THOC2: variants seen among roughly 807,000 people sequenced by gnomAD.
THOC2 encodes the protein THO complex 2.
A neutral mutation model predicts 128.4 loss-of-function variants in THOC2; 10 were observed. That is an observed-to-expected ratio of 0.08 (90% CI 0.05 to 0.13). THOC2 has a LOEUF of 0.13. Ranked by LOEUF, THOC2 falls within the 10% of genes least tolerant of loss-of-function variation. The pLI is 1.00. For missense variants in THOC2, 535 were observed against 1,155.7 expected (o/e 0.46, Z 7.79); for synonymous variants, 393 against 396.9 (o/e 0.99, Z 0.12).
intron 12 of THOC2, among the ~76,000 whole-genome samples, chrX:123,651,392 T>C (rs772205474): frequency 1.8e-5 from 2 of 111,073 alleles, no homozygotes; most frequent in Non-Finnish European, 3.8e-5. Context: ...TTAAAAGAAG[T>C]AGAGAAGCAA....
At chrX:123,636,608 C>T (rs1160398781) in intron 18 of THOC2, among the ~76,000 whole-genome samples, 2 of 108,149 alleles carry the variant, frequency 1.8e-5, no homozygotes, top group Non-Finnish European at 3.8e-5. Context: ...GAATGTGAGT[C>T]AAGAAAAAAA....
intron 8 of THOC2, among the ~76,000 whole-genome samples, chrX:123,682,997 C>T (rs1359758783): frequency 1.8e-5 from 2 of 111,624 alleles, no homozygotes; most frequent in Non-Finnish European, 3.8e-5. Context: ...CCCTTCCTGT[C>T]CTTTGTGCTG....
At chrX:123,724,134 AATT>A (rs768378216) in intron 1 of THOC2, among the ~76,000 whole-genome samples, 8 of 111,805 alleles carry the variant, frequency 7.2e-5, no homozygotes, top group Admixed American at 3.8e-4. Context: ...TGAAACAAAT[AATT>A]TTAAGACTTA....
chrX:123,643,636 C>A (rs1309010912), intron 15 of THOC2, among the ~76,000 whole-genome samples: 2 of 109,004 alleles, frequency 1.8e-5, no homozygotes, highest in African/African-American at 6.7e-5. Flanking sequence ...CAAGTGAAAT[C>A]ATTTAGTCTC....
Position 123,631,676 on chromosome X carries a change from A to T in THOC2, c.2481+12T>A, listed in dbSNP as rs2047491261. 8.3e-7 allele frequency: 1 copy of T among 1,206,772 alleles called. No individual in the cohort carries two copies. The highest frequency in any genetic ancestry group is 1.7e-5 in the African/African-American group (1 of 57,632). On this transcript the variant is annotated intron_variant, in intron 22 of 38. Coordinates refer to ENST00000245838, the MANE Select transcript of THOC2 (RefSeq NM_001081550.2). The stretch of plus-strand genomic sequence containing the variant: ...ATCGTTCTTGAGCGGCAGCAAAGAC[A>T]CTTGTACTTACCGAAATATGATGGG...
intron 1 of THOC2, 97 bp from the exon 2 acceptor site, chrX:123,713,005 T>A: frequency 1.9e-6 from 1 of 530,458 alleles, no homozygotes; most frequent in African/African-American, 2.3e-5. Context: ...AAAAAAAATT[T>A]AATCAAGCAT....
Position 123,636,951 on chromosome X carries a change from G to A in THOC2, c.1922-776C>T, listed in dbSNP as rs995152204. Among the ~76,000 whole-genome samples the A allele has an allele frequency of 6.3e-5, 7 of 111,960 alleles. No homozygotes were observed. The East Asian group carries it at 1.1e-3, about 18-fold the overall frequency. On this transcript the variant is annotated intron_variant, in intron 18 of 38. Transcript: ENST00000245838. ...CTCCATGGGAATATAAAAGAGGAGCGCCCAATTCAGACTTGTGGGTGGGAG... is the reference window on the plus strand; with the variant it reads ...CTCCATGGGAATATAAAAGAGGAGCACCCAATTCAGACTTGTGGGTGGGAG...
chrX:123,626,478 G>A, intron 24 of THOC2, 43 bp downstream of exon 24: 1 of 1,142,472 alleles, frequency 8.8e-7, no homozygotes, highest in Non-Finnish European at 1.2e-6. Flanking sequence ...TTTGTTTTCT[G>A]TAATTTACCA....
chrX:123,611,634 C>A, intron 36 of THOC2, 118 bp from the exon 37 acceptor site: 1 of 437,697 alleles, frequency 2.3e-6, no homozygotes. Flanking sequence ...TAACATGACA[C>A]CAAAAGCATA....
rs940631297 is a variant in THOC2, at chrX:123,689,442, T to C, written c.602-2728A>G. Among the ~76,000 whole-genome samples, 7 of 112,048 alleles carry C rather than the reference T, an allele frequency of 6.2e-5. No homozygotes were observed. In the Admixed American group the frequency reaches 6.7e-4, roughly 11 times the overall value. On this transcript the variant is annotated intron_variant, in intron 7 of 38. Transcript: ENST00000245838. ...AAATTATTTTCATTTATTATTATTT[T>C]TAGAGACAGGGTCTCGCTCTGTTGC...
At chrX:123,675,588 A>G (rs1273658572) in intron 8 of THOC2, among the ~76,000 whole-genome samples, 2 of 109,054 alleles carry the variant, frequency 1.8e-5, no homozygotes, top group Non-Finnish European at 3.8e-5. Flanking sequence ...GGTTGCAGTG[A>G]GCCGAGATTG....
At chrX:123,651,842 G>A (rs780892397) in intron 12 of THOC2, among the ~76,000 whole-genome samples, 9 of 109,408 alleles carry the variant, frequency 8.2e-5, no homozygotes, top group Non-Finnish European at 1.5e-4. Flanking sequence ...AGGACAAGAC[G>A]GATTCAAAGC....
At chrX:123,604,652 G>A (rs2046402404) in intron 38 of THOC2, among the ~76,000 whole-genome samples, 2 of 111,442 alleles carry the variant, frequency 1.8e-5, no homozygotes, top group Middle Eastern at 4.6e-3. Context: ...ACACATACAC[G>A]CTTTTTAATT....
At chrX:123,605,979 G>A (rs1255096274) in intron 38 of THOC2, among the ~76,000 whole-genome samples, 6 of 111,427 alleles carry the variant, frequency 5.4e-5, no homozygotes, top group African/African-American at 1.6e-4. Flanking sequence ...GCAGCACCTA[G>A]ACAAGTCTAG....
chrX:123,656,382 C>T (rs576732494), intron 12 of THOC2, among the ~76,000 whole-genome samples: 78 of 97,934 alleles, frequency 8.0e-4, no homozygotes, highest in Middle Eastern at 5.6e-3. Context: ...GGAACTTATG[C>T]TATTTACTTC....
chrX:123,677,400 A>G (rs778207804), intron 8 of THOC2, among the ~76,000 whole-genome samples: 1 of 111,939 alleles, frequency 8.9e-6, no homozygotes, highest in South Asian at 3.7e-4. Flanking sequence ...TTCTTTCTTC[A>G]ATAAATTAAA....
At chrX:123,698,766 T>C (rs765369154) in intron 4 of THOC2, among the ~76,000 whole-genome samples, 1 of 107,162 alleles carries the variant, frequency 9.3e-6, no homozygotes, top group East Asian at 3.0e-4. Flanking sequence ...GTACAGCTAC[T>C]AGGGAGGCTG....
At chrX:123,715,149 AC>A (rs772018420) in intron 1 of THOC2, among the ~76,000 whole-genome samples, 1 of 102,038 alleles carries the variant, frequency 9.8e-6, no homozygotes, top group Non-Finnish European at 2.0e-5. Context: ...CAGCACCACC[AC>A]CCCCCCAACA....
chrX:123,619,505 G>T, intron 32 of THOC2, 69 bp from the exon 33 acceptor site: 2 of 1,173,149 alleles, frequency 1.7e-6, no homozygotes, highest in Non-Finnish European at 2.3e-6. Flanking sequence ...ACTTTGGGAA[G>T]TATGGCTGTA....
Sources: gnomAD v4.1 joint callset for allele counts (sites outside exome capture counted in the v4.1 genomes callset) on GRCh38, gnomAD v4.1.1 for gene constraint, MANE v1.5 for transcripts, NCBI Gene and HGNC (gene_info 2026-07-23, HGNC 2026-07-21) for gene names.